Variants in KCNB2 observed in about 807,000 individuals in gnomAD.
KCNB2 encodes potassium voltage-gated channel subfamily B member 2.
A neutral mutation model predicts 61.5 loss-of-function variants in KCNB2; 15 were observed. That is an observed-to-expected ratio of 0.24 (90% confidence interval 0.16 to 0.38). KCNB2 has a LOEUF of 0.38. KCNB2 is among the 10% of genes least tolerant of loss of function. The pLI is 1.00. For synonymous variants in KCNB2, 457 were observed against 446.0 expected (o/e 1.02, Z -0.31); for missense variants, 828 against 1,125.2 (o/e 0.74, Z 3.78).
At chr8:72,586,331 G>A (rs181581384) in intron 2 of KCNB2, among the ~76,000 whole-genome samples, 93 of 152,306 alleles carry the variant, frequency 6.1e-4, no homozygotes, top group African/African-American at 1.6e-3. Context: ...CCAGGTGGTA[G>A]TTAAATTAGA....
At chr8:72,747,844 G>A (rs1028672432) in intron 2 of KCNB2, among the ~76,000 whole-genome samples, 1 of 152,186 alleles carries the variant, frequency 6.6e-6, no homozygotes, top group Non-Finnish European at 1.5e-5. Context: ...TTAGCATAAA[G>A]TTCAAACCTA....
At chr8:72,721,948 ACT>A (rs1807556287) in intron 2 of KCNB2, among the ~76,000 whole-genome samples, 1 of 151,816 alleles carries the variant, frequency 6.6e-6, no homozygotes, top group African/African-American at 2.4e-5. Context: ...GACTAAATGC[ACT>A]CTTTTCTCCA....
At chr8:72,792,676 T>G (rs1049767178) in intron 2 of KCNB2, among the ~76,000 whole-genome samples, 1 of 152,168 alleles carries the variant, frequency 6.6e-6, no homozygotes, top group African/African-American at 2.4e-5. Flanking sequence ...ATTTTTAAAT[T>G]TTCCTAGAGG....
intron 2 of KCNB2, among the ~76,000 whole-genome samples, chr8:72,584,833 G>A (rs908283468): frequency 1.3e-5 from 2 of 152,054 alleles, no homozygotes; most frequent in Non-Finnish European, 2.9e-5. Flanking sequence ...CTGGAGCCCA[G>A]ATTTGGAGTT....
intron 2 of KCNB2, among the ~76,000 whole-genome samples, chr8:72,782,943 G>T (rs1808787180): frequency 6.6e-6 from 1 of 152,084 alleles, no homozygotes; most frequent in South Asian, 2.1e-4. Context: ...ATAAGAGAGA[G>T]ATTGCTTTTA....
chr8:72,720,406 TC>T (rs1807528207), intron 2 of KCNB2, among the ~76,000 whole-genome samples: 2 of 152,188 alleles, frequency 1.3e-5, no homozygotes, highest in Admixed American at 1.3e-4. Context: ...TCTCTAAATT[TC>T]CCTCAGAGTG....
rs758642951 is a variant in KCNB2, at chr8:72,937,202, C to G, written c.1847C>G (p.Thr616Arg). The G allele has an allele frequency of 1.9e-6, 3 of 1,614,000 alleles. No individual in the cohort carries two copies. The highest frequency in any genetic ancestry group is 1.7e-6 in the Non-Finnish European group (2 of 1,180,026). Residue 616 changes from threonine (T) to arginine (R), a missense_variant, in exon 3 of 3, where the codon ACA becomes AGA. By Grantham distance (71) the Thr-to-Arg change is moderately conservative. Transcript: ENST00000523207. ...FTSCATDFTE[T>R]ERSPLPPPSA... ...AGCTGTGCCACCGACTTCACAGAGA[C>G]AGAGAGATCGCCGCTGCCGCCGCCC... is the stretch of plus-strand genomic sequence containing the variant.
chr8:72,582,036 A>C (rs1039658795), intron 2 of KCNB2, among the ~76,000 whole-genome samples: 2 of 152,190 alleles, frequency 1.3e-5, no homozygotes, highest in Non-Finnish European at 2.9e-5. Flanking sequence ...CCTAGGCCCC[A>C]AGTGGAGTTT....
chr8:72,742,457 G>A (rs1563576908), intron 2 of KCNB2, among the ~76,000 whole-genome samples: 1 of 152,100 alleles, frequency 6.6e-6, no homozygotes, highest in Non-Finnish European at 1.5e-5. Flanking sequence ...CCCATGGCTG[G>A]TGCAGCCTTG....
At chr8:72,820,186 A>G (rs985772537) in intron 2 of KCNB2, among the ~76,000 whole-genome samples, 2 of 152,184 alleles carry the variant, frequency 1.3e-5, no homozygotes, top group Non-Finnish European at 2.9e-5. Flanking sequence ...GCACAAAAGC[A>G]CAAAATCATA....
At chr8:72,711,583 C>T (rs1409407739) in intron 2 of KCNB2, among the ~76,000 whole-genome samples, 1 of 152,132 alleles carries the variant, frequency 6.6e-6, no homozygotes, top group East Asian at 1.9e-4. Context: ...TTATGATGTA[C>T]CCTAGAGGAT....
chr8:72,803,316 C>T (rs2128999880), intron 2 of KCNB2, among the ~76,000 whole-genome samples: 1 of 152,256 alleles, frequency 6.6e-6, no homozygotes, highest in South Asian at 2.1e-4. Flanking sequence ...CTGCTGCTTC[C>T]ACTCCAGAAT....
chr8:72,569,311 T>C (rs1179193299), intron 2 of KCNB2, among the ~76,000 whole-genome samples: 1 of 152,222 alleles, frequency 6.6e-6, no homozygotes, highest in African/African-American at 2.4e-5. Flanking sequence ...ACTGTTTTTT[T>C]CTAAAATCTT....
At chr8:72,643,289 A>G (rs771888124) in intron 2 of KCNB2, among the ~76,000 whole-genome samples, 22 of 152,174 alleles carry the variant, frequency 1.4e-4, no homozygotes, top group Non-Finnish European at 3.1e-4. Flanking sequence ...AGACATCAGC[A>G]TGTGTCACTG....
chr8:72,620,202 C>A (rs991751733), intron 2 of KCNB2, among the ~76,000 whole-genome samples: 4 of 152,204 alleles, frequency 2.6e-5, no homozygotes, highest in African/African-American at 9.7e-5. Context: ...TTTCTGGTTA[C>A]TCTACAGGGA....
rs528185285 is a variant in KCNB2, at chr8:72,686,603, C to A, written c.579+118290C>A. On this transcript the variant is annotated intron_variant, in intron 2 of 2. Transcript: ENST00000523207. ...GTATTGAAGAGAGCAATCAATAAAT[C>A]ATCTTGCCAGCATAGTAAGCAACCT... Among the ~76,000 whole-genome samples, 6 of 152,306 alleles carry A rather than the reference C, an allele frequency of 3.9e-5. No individual in the cohort carries two copies. The East Asian group carries it at 1.2e-3, about 29-fold the overall frequency.
intron 2 of KCNB2, among the ~76,000 whole-genome samples, chr8:72,586,518 T>C (rs1423421677): frequency 1.3e-5 from 2 of 152,168 alleles, no homozygotes; most frequent in South Asian, 2.1e-4. Flanking sequence ...ACTAAGGAAA[T>C]TGAAAAGCCT....
intron 2 of KCNB2, among the ~76,000 whole-genome samples, chr8:72,655,686 T>A (rs145355585): frequency 3.2e-4 from 48 of 152,284 alleles, no homozygotes; most frequent in African/African-American, 1.1e-3. Flanking sequence ...ACATTAGGAA[T>A]TCTGCTGGTA....
intron 2 of KCNB2, among the ~76,000 whole-genome samples, chr8:72,743,980 C>A (rs893827412): frequency 1.3e-5 from 2 of 152,090 alleles, no homozygotes; most frequent in Non-Finnish European, 2.9e-5. Context: ...TCACCAATTT[C>A]TTTATCAGAT....
Sources: gnomAD v4.1 joint callset for allele counts (sites outside exome capture counted in the v4.1 genomes callset) on GRCh38, gnomAD v4.1.1 for gene constraint, MANE v1.5 for transcripts, NCBI Gene and HGNC (gene_info 2026-07-23, HGNC 2026-07-21) for gene names.